The following SIPA1L1 variants were observed in gnomAD, a reference collection of about 807,000 sequenced individuals.
SIPA1L1 encodes signal induced proliferation associated 1 like 1.
Under a neutral mutation model 162.7 loss-of-function variants are expected in SIPA1L1, and 26 were observed. That is an observed-to-expected ratio of 0.16 (90% CI 0.12 to 0.22). The LOEUF is 0.22. Among genes scored for constraint, SIPA1L1 ranks in the 10% least tolerant of loss-of-function variants. SIPA1L1 has a pLI of 1.00. For synonymous variants in SIPA1L1, 829 were observed against 837.4 expected (o/e 0.99, Z 0.17); for missense variants, 1,874 against 2,241.0 (o/e 0.84, Z 3.31).
chr14:71,411,218 A>G (rs1227763833), intron 2 of SIPA1L1, among the ~76,000 whole-genome samples: 2 of 151,636 alleles, frequency 1.3e-5, no homozygotes, highest in African/African-American at 2.4e-5. Context: ...AACTGAATAT[A>G]TTTTGCTGCT....
intron 2 of SIPA1L1, among the ~76,000 whole-genome samples, chr14:71,432,317 C>T (rs530391703): frequency 6.6e-6 from 1 of 152,244 alleles, no homozygotes; most frequent in African/African-American, 2.4e-5. Flanking sequence ...AAGCAATCCT[C>T]CTGCCTCGGC....
chr14:71,393,417 C>A (rs955856481), intron 2 of SIPA1L1, among the ~76,000 whole-genome samples: 2 of 152,126 alleles, frequency 1.3e-5, no homozygotes, highest in African/African-American at 4.8e-5. Flanking sequence ...AACTAAAGAA[C>A]AGATTGTGTT....
At chr14:71,729,709 A>G (rs773166540) in intron 19 of SIPA1L1, among the ~76,000 whole-genome samples, 5 of 152,188 alleles carry the variant, frequency 3.3e-5, no homozygotes, top group Admixed American at 3.3e-4. Context: ...ACTCAGAGAG[A>G]TTGTATGATT....
chr14:71,734,137 C>G (rs2085063183), intron 21 of SIPA1L1, among the ~76,000 whole-genome samples: 3 of 152,266 alleles, frequency 2.0e-5, no homozygotes, highest in Admixed American at 2.0e-4. Context: ...TCTTTCATCA[C>G]GTCGCAAGAC....
At chr14:71,682,773 A>G (rs893986189) in intron 12 of SIPA1L1, among the ~76,000 whole-genome samples, 8 of 152,224 alleles carry the variant, frequency 5.3e-5, no homozygotes, top group African/African-American at 1.7e-4. Flanking sequence ...GTTTGATATT[A>G]TGTTATTGCT....
intron 2 of SIPA1L1, among the ~76,000 whole-genome samples, chr14:71,448,326 T>C (rs1237700582): frequency 6.6e-6 from 1 of 152,174 alleles, no homozygotes; most frequent in Non-Finnish European, 1.5e-5. Flanking sequence ...GCCACAGAGT[T>C]TCCTAAGTGC....
At chr14:71,683,380 G>A (rs139995455) in intron 12 of SIPA1L1, among the ~76,000 whole-genome samples, 219 of 152,316 alleles carry the variant, frequency 1.4e-3, no homozygotes, top group Non-Finnish European at 2.5e-3. Context: ...TAGAACAAGA[G>A]CATTGCTGAG....
intron 2 of SIPA1L1, among the ~76,000 whole-genome samples, chr14:71,432,832 C>T (rs903981262): frequency 3.3e-5 from 5 of 152,126 alleles, no homozygotes; most frequent in East Asian, 1.9e-4. Flanking sequence ...CATTCATTTG[C>T]GAACTGCTTT....
chr14:71,403,992 C>T (rs2041868902), intron 2 of SIPA1L1, among the ~76,000 whole-genome samples: 1 of 133,832 alleles, frequency 7.5e-6, no homozygotes, highest in Admixed American at 7.7e-5. Context: ...CCCACCCACC[C>T]ACCCACCCAC....
chr14:71,419,164 C>T (rs1461011864), intron 2 of SIPA1L1, among the ~76,000 whole-genome samples: 3 of 151,836 alleles, frequency 2.0e-5, no homozygotes, highest in African/African-American at 7.3e-5. Flanking sequence ...GATTGGCACT[C>T]TGGATGAGCG....
intron 2 of SIPA1L1, among the ~76,000 whole-genome samples, chr14:71,325,554 A>G (rs912870755): frequency 1.3e-5 from 2 of 152,162 alleles, no homozygotes; most frequent in Admixed American, 6.5e-5. Context: ...GTCAACAACC[A>G]TTTTCTCCTT....
At chr14:71,667,499 T>C (rs954500075) in intron 10 of SIPA1L1, among the ~76,000 whole-genome samples, 1 of 152,174 alleles carries the variant, frequency 6.6e-6, no homozygotes, top group African/African-American at 2.4e-5. Flanking sequence ...CAGTGACTGG[T>C]GGATCAATAC....
chr14:71,568,219 C>G (rs375037572), intron 4 of SIPA1L1, among the ~76,000 whole-genome samples: 13 of 152,170 alleles, frequency 8.5e-5, no homozygotes, highest in East Asian at 3.8e-4. Context: ...GATGGAGTCG[C>G]TCAGGTTTGA....
chr14:71,692,168 G>C (rs974877253), intron 13 of SIPA1L1, among the ~76,000 whole-genome samples: 2 of 152,088 alleles, frequency 1.3e-5, no homozygotes, highest in Non-Finnish European at 2.9e-5. Context: ...AATCTATCTT[G>C]GAGAAAATAA....
intron 5 of SIPA1L1, 97 bp from the exon 6 acceptor site, chr14:71,618,660 A>G: frequency 9.0e-7 from 1 of 1,113,698 alleles, no homozygotes; most frequent in East Asian, 2.4e-5. Flanking sequence ...TTTATTGATA[A>G]AATTTCTGAG....
intron 4 of SIPA1L1, among the ~76,000 whole-genome samples, chr14:71,581,763 A>G (rs538387414): frequency 6.6e-6 from 1 of 152,280 alleles, no homozygotes; most frequent in South Asian, 2.1e-4. Context: ...CAATGCCCCC[A>G]ATAAGTTAGT....
At chr14:71,511,195 T>C (rs1407498256) in intron 2 of SIPA1L1, among the ~76,000 whole-genome samples, 1 of 152,214 alleles carries the variant, frequency 6.6e-6, no homozygotes, top group Non-Finnish European at 1.5e-5. Context: ...AAGAAGTATA[T>C]GTTTAGTCTC....
chr14:71,532,085 AT>A (rs1352437790), intron 4 of SIPA1L1, among the ~76,000 whole-genome samples: 3 of 152,086 alleles, frequency 2.0e-5, no homozygotes, highest in African/African-American at 7.3e-5. Flanking sequence ...AACTCAAAAG[AT>A]TTTTTCCCCT....
At chr14:71,409,640 T>G (rs898689496) in intron 2 of SIPA1L1, among the ~76,000 whole-genome samples, 1 of 152,192 alleles carries the variant, frequency 6.6e-6, no homozygotes, top group Non-Finnish European at 1.5e-5. Flanking sequence ...GATGACTATA[T>G]AACATCAGTG....
Sources: allele counts gnomAD v4.1 joint callset (sites outside exome capture counted in the v4.1 genomes callset), GRCh38; gene constraint gnomAD v4.1.1; transcripts MANE v1.5; gene names NCBI Gene and HGNC (gene_info 2026-07-23, HGNC 2026-07-21).